Variants in DMXL2 observed in about 807,000 individuals in gnomAD.
DMXL2 encodes the protein Dmx like 2, also known as dmX-like protein 2.
A neutral mutation model predicts 331.1 loss-of-function variants in DMXL2; 103 were observed. The ratio of observed to expected loss-of-function variants is 0.31; its 90% confidence interval spans 0.27 to 0.37. The LOEUF is 0.37. DMXL2 is among the 10% of genes least tolerant of loss of function. DMXL2 has a pLI of 1.00. For synonymous variants in DMXL2, 1,281 were observed against 1,252.1 expected, an observed-to-expected ratio of 1.02 and a Z score of -0.49; for missense variants, 3,171 against 3,642.9, an observed-to-expected ratio of 0.87 and a Z score of 3.33.
rs779768920 is a variant in DMXL2 at position 51,455,138 on chromosome 15, T to TAGTGA, written c.8604+8_8604+12dup. 5.6e-6 allele frequency: 9 copies of TAGTGA among 1,607,176 alleles called. No homozygotes were observed. The highest frequency in any genetic ancestry group is 3.3e-5 in the Admixed American group (2 of 59,992). ...TGTGTATATGCGCCCTGGGAACATTTAGTGATACTTACCATATAAGGTTTA... is the reference window on the plus strand; with the variant it reads ...TGTGTATATGCGCCCTGGGAACATTTAGTGAAGTGATACTTACCATATAAGGTTTA... On this transcript the variant is annotated intron_variant, in intron 40 of 43. Coordinates refer to ENST00000560891, the MANE Select transcript of DMXL2 (RefSeq NM_001378457.1).
intron 2 of DMXL2, among the ~76,000 whole-genome samples, chr15:51,569,686 C>G (rs979551998): frequency 6.6e-6 from 1 of 152,198 alleles, no homozygotes; most frequent in Non-Finnish European, 1.5e-5. Flanking sequence ...CCCAGGCAAA[C>G]AGGGTCTGGA....
chr15:51,459,723 T>C (rs1165856229), intron 33 of DMXL2, 63 bp from the exon 34 acceptor site: 1 of 1,280,110 alleles, frequency 7.8e-7, no homozygotes. Flanking sequence ...ATAAAGACAG[T>C]GAAATATTTC....
chr15:51,512,164 C>T (rs1309027935), intron 15 of DMXL2, among the ~76,000 whole-genome samples: 1 of 152,070 alleles, frequency 6.6e-6, no homozygotes, highest in African/African-American at 2.4e-5. Flanking sequence ...ATGTTCTGCA[C>T]ATGTATTCCA....
Position 51,448,842 on chromosome 15 carries a change from G to A in DMXL2, c.*142C>T, listed in dbSNP as rs1050721911. 1 of 813,160 alleles carries A rather than the reference G, an allele frequency of 1.2e-6. No homozygotes were observed. 50.4% of individuals were successfully genotyped at this position (813,160 alleles called of 1,614,324 possible). On this transcript the variant is annotated 3_prime_UTR_variant, in exon 44 of 44. Transcript: ENST00000560891. ...CGCATTCATTCCACCAACCTGTTTA[G>A]ATAATACTCAGCTTGGGTCATATTC...
chr15:51,460,200 T>A, intron 33 of DMXL2: 1 of 986,052 alleles, frequency 1.0e-6, no homozygotes, highest in Non-Finnish European at 1.2e-6. Context: ...TGATGCAGGG[T>A]CCTAAGGATG....
chr15:51,616,105 T>G (rs550757461), intron 1 of DMXL2, among the ~76,000 whole-genome samples: 1 of 152,184 alleles, frequency 6.6e-6, no homozygotes, highest in African/African-American at 2.4e-5. Flanking sequence ...TAGAAGACAG[T>G]GGACCTAAAG....
chr15:51,478,077 T>G (rs564245912), intron 26 of DMXL2, among the ~76,000 whole-genome samples, 194 bp downstream of exon 26: 2 of 152,248 alleles, frequency 1.3e-5, no homozygotes, highest in East Asian at 3.9e-4. Context: ...TGTTACTTTC[T>G]ATATTTCTCT....
At chr15:51,488,421 G>A in intron 21 of DMXL2, 127 bp downstream of exon 21, 1 of 848,526 alleles carries the variant, frequency 1.2e-6, no homozygotes, top group Non-Finnish European at 1.9e-6. Flanking sequence ...TCAGCTAAAG[G>A]AACCAGGTCG....
chr15:51,569,154 C>T (rs1167473646), intron 2 of DMXL2, among the ~76,000 whole-genome samples: 1 of 152,146 alleles, frequency 6.6e-6, no homozygotes, highest in Non-Finnish European at 1.5e-5. Flanking sequence ...TCAGCGGGTC[C>T]CACCCCCACG....
In DMXL2 at chr15:51,476,715, GAC is replaced by G; in HGVS notation, c.6836_6837del (p.Ser2279ThrfsTer19). The G allele has an allele frequency of 6.3e-7, 1 of 1,597,884 alleles. No individual in the cohort carries two copies. The highest frequency in any genetic ancestry group is 8.5e-7 in the Non-Finnish European group (1 of 1,175,848). ...QALCDSHSYSSQTEGNQFTGM... is the reference protein window; with the variant it reads ...QALCDSHSYSXQTEGNQFTGM... ...CCTGTAAACTGATTTCCTTCTGTTT[GAC>G]TGCTAAAACAAATAGGTTCAGTTAT... On this transcript the variant is annotated frameshift_variant and splice_region_variant, in exon 27 of 44. Transcript: ENST00000560891. LOFTEE classifies it high-confidence loss of function.
chr15:51,480,197 C>G, intron 24 of DMXL2, 58 bp from the exon 25 acceptor site: 1 of 1,418,678 alleles, frequency 7.0e-7, no homozygotes. Flanking sequence ...TATCAGTTCT[C>G]TGACAGAAAT....
chr15:51,587,412 T>C (rs1428916358), intron 1 of DMXL2, among the ~76,000 whole-genome samples: 3 of 152,092 alleles, frequency 2.0e-5, no homozygotes, highest in African/African-American at 7.2e-5. Flanking sequence ...AGTGAGAATA[T>C]GCAGTGTTTG....
At chr15:51,545,131 A>T (rs1172405727) in intron 8 of DMXL2, among the ~76,000 whole-genome samples, 1 of 152,138 alleles carries the variant, frequency 6.6e-6, no homozygotes, top group Non-Finnish European at 1.5e-5. Flanking sequence ...CTAATATCTT[A>T]ATAAACATCT....
At chr15:51,589,938 T>TA (rs1272429693) in intron 1 of DMXL2, among the ~76,000 whole-genome samples, 1 of 152,234 alleles carries the variant, frequency 6.6e-6, no homozygotes, top group African/African-American at 2.4e-5. Flanking sequence ...TGTAAAGCAA[T>TA]AAAAAAGCAA....
At chr15:51,496,190 G>A (rs2043166341) in intron 18 of DMXL2, among the ~76,000 whole-genome samples, 1 of 152,058 alleles carries the variant, frequency 6.6e-6, no homozygotes, top group Admixed American at 6.6e-5. Context: ...ACATGTGAGG[G>A]ACTCTTCAGG....
intron 1 of DMXL2, among the ~76,000 whole-genome samples, chr15:51,621,307 T>C (rs2054610962): frequency 6.6e-6 from 1 of 152,256 alleles, no homozygotes; most frequent in African/African-American, 2.4e-5. Context: ...TGTTCCAGAA[T>C]GCACTGCTAC....
At chr15:51,473,921 C>G (rs1372060729) in intron 28 of DMXL2, among the ~76,000 whole-genome samples, 1 of 152,062 alleles carries the variant, frequency 6.6e-6, no homozygotes, top group Non-Finnish European at 1.5e-5. Context: ...TAATCTGAAG[C>G]CAACTGCTGG....
rs1195334507 is a variant in DMXL2 at position 51,609,734 on chromosome 15, G to T, written c.87+12725C>A. On this transcript the variant is annotated intron_variant, in intron 1 of 43. Coordinates refer to ENST00000560891, the MANE Select transcript of DMXL2 (RefSeq NM_001378457.1). ...ACCTGAGGTCAGGAGTTTGAGACCA[G>T]CCTGGCCAACATGGTGAAACCCCAC... 2.0e-5 allele frequency among the ~76,000 whole-genome samples: 3 copies of T among 152,222 alleles called. No individual in the cohort carries two copies. In the East Asian group the frequency reaches 5.8e-4, roughly 29 times the overall value.
intron 2 of DMXL2, among the ~76,000 whole-genome samples, chr15:51,572,701 T>C (rs1423249167): frequency 1.3e-5 from 2 of 152,142 alleles, no homozygotes; most frequent in East Asian, 3.8e-4. Context: ...ATTATCTCAA[T>C]AGATGCAGAA....
Sources: gnomAD v4.1 joint callset for allele counts (sites outside exome capture counted in the v4.1 genomes callset) on GRCh38, gnomAD v4.1.1 for gene constraint, MANE v1.5 for transcripts, NCBI Gene and HGNC (gene_info 2026-07-23, HGNC 2026-07-21) for gene names.